Variants in DOC2B observed in about 807,000 individuals in gnomAD.
The protein encoded by DOC2B is double C2-like domain-containing protein beta.
A neutral mutation model predicts 28.9 loss-of-function variants in DOC2B; 21 were observed. The observed-to-expected ratio is 0.73, with a 90% CI of 0.52 to 1.05. The LOEUF is 1.05. DOC2B is among the 50% of genes least tolerant of loss of function. The pLI, the probability that DOC2B is intolerant of heterozygous loss-of-function variation, is 0.00. For missense variants in DOC2B, 384 were observed against 421.1 expected, an observed-to-expected ratio of 0.91 and a Z score of 0.77; for synonymous variants, 194 against 178.1, an observed-to-expected ratio of 1.09 and a Z score of -0.71.
intron 4 of DOC2B, 116 bp downstream of exon 4, chr17:161,965 G>A: frequency 4.1e-6 from 3 of 736,652 alleles, no homozygotes; most frequent in Non-Finnish European, 6.9e-6. Context: ...TGGAGTTGCT[G>A]GCATGAGGTT....
rs143091692 is a variant in DOC2B at position 176,285 on chromosome 17, C to T, written c.374-3669G>A. On this transcript the variant is annotated intron_variant, in intron 1 of 8. Transcript: ENST00000613549. ...CACAGTTCAGCCTCCCAGGCTCAAA[C>T]GATCCTCTCACCTCAGCCTCCCAAG... Among the ~76,000 whole-genome samples the T allele has an allele frequency of 2.1e-3, 324 of 151,780 alleles. 1 individual carries two copies. Among genetic ancestry groups the T allele is most frequent in the African/African-American group, 6.6e-3 (272 of 41,422 alleles).
chr17:152,543 G>A (rs1402827143), intron 6 of DOC2B, among the ~76,000 whole-genome samples: 1 of 152,158 alleles, frequency 6.6e-6, no homozygotes, highest in African/African-American at 2.4e-5. Flanking sequence ...CGAGCTAGGA[G>A]GATCGTTTGA....
At chr17:163,964 T>C (rs2040232689) in intron 3 of DOC2B, among the ~76,000 whole-genome samples, 166 bp downstream of exon 3, 1 of 152,210 alleles carries the variant, frequency 6.6e-6, no homozygotes, top group Non-Finnish European at 1.5e-5. Context: ...TGCAGTTGAA[T>C]GGCTGAGGTC....
chr17:155,193 A>G (rs1337084616), intron 6 of DOC2B, among the ~76,000 whole-genome samples: 2 of 152,104 alleles, frequency 1.3e-5, no homozygotes, highest in African/African-American at 2.4e-5. Context: ...AGGTCTCACT[A>G]TGTTGCCCAG....
Position 173,979 on chromosome 17 carries a change from G to C in DOC2B, c.374-1363C>G, listed in dbSNP as rs182582332. The stretch of plus-strand genomic sequence containing the variant: ...AGAAGCAGACCCTACGGCCTGCACA[G>C]CTGAAAATATTTACTATCCAGCCCT... On this transcript the variant is annotated intron_variant, in intron 1 of 8. Coordinates refer to ENST00000613549, the MANE Select transcript of DOC2B (RefSeq NM_003585.5). 2.7e-3 allele frequency among the ~76,000 whole-genome samples: 411 copies of C among 152,348 alleles called. 5 individuals are homozygous for C. The highest frequency in any genetic ancestry group is 0.025 in the Admixed American group (380 of 15,300).
In DOC2B at chr17:170,015, G is replaced by A. The variant is rs556581348; in HGVS notation, c.453+2522C>T. 9.8e-4 allele frequency among the ~76,000 whole-genome samples: 149 copies of A among 152,354 alleles called. 2 individuals are homozygous for A. Among genetic ancestry groups the A allele is most frequent in the Middle Eastern group, 3.4e-3 (1 of 294 alleles). On this transcript the variant is annotated intron_variant, in intron 2 of 8. Coordinates refer to ENST00000613549, the MANE Select transcript of DOC2B (RefSeq NM_003585.5). ...GTGCATACACACAAACGCACCTGGA[G>A]CTGGGAAGGGAAGGCCCTGGTGTCT...
chr17:159,905 C>A (rs1323189622), intron 5 of DOC2B, among the ~76,000 whole-genome samples: 1 of 149,082 alleles, frequency 6.7e-6, no homozygotes, highest in Admixed American at 6.6e-5. Context: ...TGACACCCCA[C>A]GTACATACCC....
chr17:162,037 G>A (rs919100353), intron 4 of DOC2B, 44 bp downstream of exon 4: 4 of 1,364,358 alleles, frequency 2.9e-6, no homozygotes, highest in East Asian at 5.0e-5. Flanking sequence ...CCGGGTGGGA[G>A]TAGGGGTTGG....
intron 7 of DOC2B, among the ~76,000 whole-genome samples, chr17:148,883 G>C (rs2294078): frequency 0.8 from 119,797 of 149,466 alleles, 48,354 homozygotes; most frequent in East Asian, 0.85. Flanking sequence ...ATGAGGAACC[G>C]AGGACTCCCC....
chr17:169,122 T>C (rs559347951), intron 2 of DOC2B, among the ~76,000 whole-genome samples: 90 of 152,152 alleles, frequency 5.9e-4, no homozygotes, highest in African/African-American at 2.1e-3. Context: ...AAGAGGAGCT[T>C]TCTAGTCTGA....
chr17:152,132 C>T (rs2151459382), intron 6 of DOC2B, among the ~76,000 whole-genome samples: 2 of 152,224 alleles, frequency 1.3e-5, no homozygotes, highest in South Asian at 4.1e-4. Context: ...TGCACAGTGC[C>T]TTCTGCTTGC....
At position 145,749 on chromosome 17, in the gene DOC2B, G is replaced by C. The variant is rs2040013920; in HGVS notation, c.*1692C>G. 1 of 153,572 alleles carries C rather than the reference G, an allele frequency of 6.5e-6. No individual in the cohort carries two copies. The highest frequency in any genetic ancestry group is 2.1e-4 in the South Asian group (1 of 4,870). 9.5% of individuals were successfully genotyped at this position (153,572 alleles called of 1,614,324 possible). A position where few individuals can be genotyped will look rare whatever the true frequency, so the allele number is the denominator to read the frequency against. On this transcript the variant is annotated 3_prime_UTR_variant, in exon 9 of 9. Transcript: ENST00000613549. Reference sequence around the variant, plus strand: ...GTGGGCAGCAGGCGGGGGAGCCCCAGGCTGGCAGCTAGCAGGACCTCTCTG... The same window carrying C: ...GTGGGCAGCAGGCGGGGGAGCCCCACGCTGGCAGCTAGCAGGACCTCTCTG...
chr17:157,236 G>T (rs915536746), intron 5 of DOC2B, among the ~76,000 whole-genome samples: 1 of 152,166 alleles, frequency 6.6e-6, no homozygotes, highest in Non-Finnish European at 1.5e-5. Context: ...ACACCTTTGC[G>T]CACCCTTAAT....
At chr17:161,613 T>C in intron 4 of DOC2B, 72 bp from the exon 5 acceptor site, 2 of 1,539,906 alleles carry the variant, frequency 1.3e-6, no homozygotes, top group Non-Finnish European at 1.8e-6. Context: ...TGTGCGCAGG[T>C]AGGGCCAGCC....
intron 6 of DOC2B, among the ~76,000 whole-genome samples, chr17:150,046 G>A (rs1034587038): frequency 9.8e-5 from 15 of 152,290 alleles, no homozygotes; most frequent in African/African-American, 3.6e-4. Context: ...CAGAACAGCT[G>A]TCTTCCTCTG....
intron 1 of DOC2B, among the ~76,000 whole-genome samples, chr17:176,602 G>A (rs1329506102): frequency 5.3e-5 from 8 of 152,178 alleles, no homozygotes; most frequent in African/African-American, 1.9e-4. Flanking sequence ...AGAGAGAAAA[G>A]CAGAGTTGCT....
chr17:162,299 A>G (rs984650296), intron 3 of DOC2B, 109 bp from the exon 4 acceptor site: 3 of 808,632 alleles, frequency 3.7e-6, no homozygotes, highest in East Asian at 2.7e-5. Context: ...TGTGTTATCA[A>G]CATGGCCAAG....
At chr17:172,758 C>G (rs982671807) in intron 1 of DOC2B, 142 bp from the exon 2 acceptor site, 1 of 606,424 alleles carries the variant, frequency 1.6e-6, no homozygotes, top group Non-Finnish European at 2.8e-6. Context: ...CTGCTCTATG[C>G]CAGCCCCTCA....
At chr17:165,396 C>T (rs147166835) in intron 2 of DOC2B, among the ~76,000 whole-genome samples, 7 of 150,208 alleles carry the variant, frequency 4.7e-5, no homozygotes, top group African/African-American at 7.5e-5. Context: ...GTGGGAGGAT[C>T]GCTTGAACCT....
Sources: gnomAD v4.1 joint callset for allele counts (sites outside exome capture counted in the v4.1 genomes callset) on GRCh38, gnomAD v4.1.1 for gene constraint, MANE v1.5 for transcripts, NCBI Gene and HGNC (gene_info 2026-07-23, HGNC 2026-07-21) for gene names.